The following TF variants were observed in gnomAD, a reference collection of about 807,000 sequenced individuals.
The protein encoded by TF is transferrin.
TF carries 55 observed loss-of-function variants against 82.4 expected under a neutral mutation model. The observed-to-expected ratio is 0.67, with a 90% confidence interval of 0.54 to 0.84. The LOEUF (loss-of-function observed/expected upper bound fraction) is 0.84, where lower values mean the gene tolerates loss of function less well. Among genes scored for constraint, TF ranks in the 40% least tolerant of loss-of-function variants. The pLI is 0.00. For synonymous variants in TF, 332 were observed against 332.6 expected (o/e 1.00, Z 0.02); for missense variants, 737 against 868.4 (o/e 0.85, Z 1.90).
intron 8 of TF, among the ~76,000 whole-genome samples, chr3:133,758,274 A>G (rs1266062224): frequency 6.6e-6 from 1 of 152,206 alleles, no homozygotes; most frequent in Non-Finnish European, 1.5e-5. Flanking sequence ...CAAAATTGCT[A>G]TATATTGCAC....
intron 14 of TF, chr3:133,772,973 A>C (rs898736318): frequency 1.3e-5 from 2 of 152,080 alleles, no homozygotes; most frequent in Non-Finnish European, 2.9e-5. Flanking sequence ...GTACATATGC[A>C]GGTTTGTTAC....
chr3:133,764,825 A>T, intron 10 of TF, 50 bp from the exon 11 acceptor site: 1 of 1,580,604 alleles, frequency 6.3e-7, no homozygotes, highest in Non-Finnish European at 8.6e-7. Flanking sequence ...ATGGTTTCCC[A>T]ATCTATAAAT....
At chr3:133,704,917 A>G in the TF span, among the ~76,000 whole-genome samples, 13 of 147,264 alleles carry the variant, frequency 8.8e-5, no homozygotes, top group South Asian at 3.0e-3. Context: ...TTCAAAACAA[A>G]ACGACTCTGT....
the TF span, among the ~76,000 whole-genome samples, chr3:133,677,510 G>A: frequency 1.8e-4 from 28 of 152,148 alleles, 1 homozygote; most frequent in South Asian, 1.2e-3. Context: ...GGTGGTGGGC[G>A]CCTGCGATCC....
chr3:133,729,321 C>A, the TF span, among the ~76,000 whole-genome samples: 1 of 152,248 alleles, frequency 6.6e-6, no homozygotes. Flanking sequence ...CCAGTTTGAG[C>A]TTCCCAGCTG....
chr3:133,695,628 T>C, the TF span, among the ~76,000 whole-genome samples: 2 of 152,196 alleles, frequency 1.3e-5, no homozygotes, highest in Admixed American at 1.3e-4. Flanking sequence ...TATCTAGAGA[T>C]GGGTGAAGCT....
rs71136494 is a variant in TF, at chr3:133,771,743, C to CAAAAAAAAAAAAAAAAA, written c.1687+1178_1687+1194dup. On this transcript the variant is annotated intron_variant, in intron 14 of 16. Coordinates refer to ENST00000402696, the MANE Select transcript of TF (RefSeq NM_001063.4). The stretch of plus-strand genomic sequence containing the variant: ...TGGGCGACAGAGCGAGACTCCGTCT[C>CAAAAAAAAAAAAAAAAA]AAAAAAAAAAAAAAAAAAAAAAAGA... Among the ~76,000 whole-genome samples, 252 of 56,534 alleles carry CAAAAAAAAAAAAAAAAA rather than the reference C, an allele frequency of 4.5e-3. 9 individuals are homozygous for CAAAAAAAAAAAAAAAAA. Among genetic ancestry groups the CAAAAAAAAAAAAAAAAA allele is most frequent in the East Asian group, 5.6e-3 (11 of 1,964 alleles). The allele number at this position is 56,534 out of a possible 152,430, so 37.1% of individuals were successfully genotyped here.
the TF span, among the ~76,000 whole-genome samples, chr3:133,735,836 T>C: frequency 6.6e-6 from 1 of 152,212 alleles, no homozygotes; most frequent in Non-Finnish European, 1.5e-5. Flanking sequence ...TTGATTTGTG[T>C]ACCTGAAAGT....
the TF span, among the ~76,000 whole-genome samples, chr3:133,739,755 G>A: frequency 6.6e-6 from 1 of 152,220 alleles, no homozygotes; most frequent in Non-Finnish European, 1.5e-5. Context: ...CTGGTCATTA[G>A]AGAAATGCAA....
the TF span, among the ~76,000 whole-genome samples, chr3:133,733,881 A>C: frequency 1.1e-4 from 17 of 149,190 alleles, no homozygotes; most frequent in East Asian, 5.9e-4. Context: ...AAAAAAAAAA[A>C]CATGTATTTA....
At chr3:133,677,812 T>A in the TF span, among the ~76,000 whole-genome samples, 17 of 152,082 alleles carry the variant, frequency 1.1e-4, no homozygotes, top group Non-Finnish European at 1.5e-5. Context: ...CCCTCCTCAG[T>A]AGCTGGGACT....
At chr3:133,771,604 G>T (rs1243807163) in intron 14 of TF, among the ~76,000 whole-genome samples, 5 of 151,746 alleles carry the variant, frequency 3.3e-5, no homozygotes, top group Non-Finnish European at 5.9e-5. Context: ...GGGCGCGGTG[G>T]TGGGCGCCTG....
chr3:133,665,903 CCA>C, the TF span, among the ~76,000 whole-genome samples: 1 of 143,718 alleles, frequency 7.0e-6, no homozygotes. Context: ...CCATTGCACT[CCA>C]GCCTGGGCAA....
At chr3:133,776,971 T>C in intron 15 of TF, 78 bp from the exon 16 acceptor site, 2 of 1,368,542 alleles carry the variant, frequency 1.5e-6, no homozygotes, top group Non-Finnish European at 2.1e-6. Flanking sequence ...GGTTCAGAGC[T>C]TTCAGACTCT....
the TF span, among the ~76,000 whole-genome samples, chr3:133,672,607 G>A: frequency 8.5e-5 from 13 of 152,080 alleles, no homozygotes; most frequent in South Asian, 2.3e-3. Context: ...CACTGCTGTA[G>A]CCCCAGCTAC....
the TF span, among the ~76,000 whole-genome samples, chr3:133,683,803 A>G: frequency 1.3e-5 from 2 of 152,178 alleles, no homozygotes; most frequent in Admixed American, 1.3e-4. Context: ...CGAGACAGAA[A>G]GTTAACAAGG....
chr3:133,727,978 T>G, the TF span, among the ~76,000 whole-genome samples: 11 of 152,238 alleles, frequency 7.2e-5, no homozygotes, highest in Non-Finnish European at 5.9e-5. Flanking sequence ...TGTTGAATAT[T>G]GGCCCCCACT....
At chr3:133,741,456 A>C (rs1576351351), upstream of TF, among the ~76,000 whole-genome samples, 1 of 152,210 alleles carries the variant, frequency 6.6e-6, no homozygotes, top group Non-Finnish European at 1.5e-5. Flanking sequence ...CGTAAAAAGG[A>C]TGACCAGAAA....
chr3:133,792,653 T>G lies in TF; in HGVS notation c.*14033T>G, dbSNP rs979357273. On this transcript the variant is annotated 3_prime_UTR_variant, in exon 17 of 17. Coordinates refer to ENST00000402696, the MANE Select transcript of TF (RefSeq NM_001063.4). ...AGACTACTGAAGCAACAGTTTTACA[T>G]GCAAGTTACGTAAGAAAAGTGAATG... The G allele has an allele frequency of 6.6e-6, 1 of 152,216 alleles. No homozygotes were observed. The highest frequency in any genetic ancestry group is 2.4e-5 in the African/African-American group (1 of 41,456). The allele number at this position is 152,216 out of a possible 1,614,324, so 9.4% of individuals were successfully genotyped here.
Sources: allele counts gnomAD v4.1 joint callset (sites outside exome capture counted in the v4.1 genomes callset), GRCh38; gene constraint gnomAD v4.1.1; transcripts MANE v1.5; gene names NCBI Gene and HGNC (gene_info 2026-07-23, HGNC 2026-07-21).